Variants in SEH1L observed in about 807,000 individuals in gnomAD.
SEH1L encodes the protein nucleoporin SEH1.
SEH1L carries 18 observed loss-of-function variants against 49.5 expected under a neutral mutation model. That is an observed-to-expected ratio of 0.36 (90% CI 0.25 to 0.54). SEH1L has a LOEUF of 0.54. Among genes scored for constraint, SEH1L ranks in the 20% least tolerant of loss-of-function variants. The probability of loss-of-function intolerance (pLI) is 0.87; values close to 1 mark genes in which losing one functional copy is unlikely to be tolerated. For synonymous variants in SEH1L, 169 were observed against 178.1 expected (o/e 0.95, Z 0.41); for missense variants, 404 against 528.8 (o/e 0.76, Z 2.31).
chr18:12,980,086 C>T (rs1475661891), intron 6 of SEH1L, among the ~76,000 whole-genome samples: 1 of 4,826 alleles, frequency 2.1e-4, no homozygotes, highest in Non-Finnish European at 3.2e-4. Flanking sequence ...GGGGGGCTGA[C>T]CCCCCCCCAC....
At chr18:12,980,049 C>T (rs1443170056) in intron 6 of SEH1L, among the ~76,000 whole-genome samples, 24 of 134,262 alleles carry the variant, frequency 1.8e-4, no homozygotes, top group Non-Finnish European at 1.6e-5. Flanking sequence ...CCCCCACCTC[C>T]CTCCTGGACG....
chr18:12,955,758 T>G (rs546189013), intron 3 of SEH1L, 149 bp downstream of exon 3: 2 of 786,968 alleles, frequency 2.5e-6, no homozygotes, highest in South Asian at 4.1e-5. Flanking sequence ...GTTTTTTTCT[T>G]CCTTTTTTAT....
intron 5 of SEH1L, chr18:12,975,655 CA>C (rs1396724591): frequency 8.2e-6 from 8 of 973,958 alleles, no homozygotes; most frequent in Non-Finnish European, 9.8e-6. Flanking sequence ...TGGTGCTTGC[CA>C]AGTCTGATCT....
chr18:12,969,798 A>G (rs2031617787), intron 4 of SEH1L, among the ~76,000 whole-genome samples: 1 of 151,994 alleles, frequency 6.6e-6, no homozygotes, highest in Non-Finnish European at 1.5e-5. Flanking sequence ...AGACTGAGAC[A>G]GGAGAATCAC....
At chr18:12,961,584 GTA>G (rs1467571911) in intron 3 of SEH1L, among the ~76,000 whole-genome samples, 2 of 152,164 alleles carry the variant, frequency 1.3e-5, no homozygotes, top group Admixed American at 1.3e-4. Flanking sequence ...TGAAGTTTAT[GTA>G]ATATTATCCT....
rs767039913 is a variant in SEH1L, at chr18:12,987,032, C to T, written c.1241C>T (p.Pro414Leu). The T allele has an allele frequency of 5.6e-6, 9 of 1,610,194 alleles. No individual in the cohort carries two copies. Among genetic ancestry groups the T allele is most frequent in the Middle Eastern group, 1.7e-4 (1 of 6,048 alleles). The change falls in exon 9 of 9, where the codon CCC becomes CTC. Residue 414 changes from proline to leucine, a missense_variant. This residue lies in a region of SEH1L where 342 missense variants were observed against 430.8 expected (regional missense o/e 0.79). Transcript: ENST00000399892. ...RRRYLSRPLN[P>L]LPENEGI Reference sequence around the variant, plus strand: ...CGATATCTCTCTCGGCCTCTTAATCCCTTACCTGAGAATGAAGGGATTTAA... The same window carrying T: ...CGATATCTCTCTCGGCCTCTTAATCTCTTACCTGAGAATGAAGGGATTTAA...
intron 5 of SEH1L, 104 bp from the exon 6 acceptor site, chr18:12,978,648 A>G: frequency 1.1e-6 from 1 of 888,158 alleles, no homozygotes; most frequent in South Asian, 1.6e-5. Context: ...AGAGGTGAGC[A>G]CTACATGATT....
chr18:12,963,672 G>C (rs1292442217), intron 4 of SEH1L, among the ~76,000 whole-genome samples: 10 of 152,190 alleles, frequency 6.6e-5, no homozygotes, highest in Admixed American at 6.5e-4. Context: ...AGCACAAGTA[G>C]ACACAGAACA....
chr18:12,956,653 C>T (rs2030879928), intron 3 of SEH1L, among the ~76,000 whole-genome samples: 1 of 147,996 alleles, frequency 6.8e-6, no homozygotes, highest in Non-Finnish European at 1.5e-5. Flanking sequence ...AGAAGACATT[C>T]TATATTTAGG....
intron 2 of SEH1L, among the ~76,000 whole-genome samples, chr18:12,954,130 T>C (rs1255222579): frequency 1.3e-5 from 2 of 152,248 alleles, no homozygotes; most frequent in East Asian, 3.8e-4. Context: ...TGTTACCATG[T>C]AGAAGTTATT....
intron 3 of SEH1L, among the ~76,000 whole-genome samples, chr18:12,956,163 G>C (rs954502875): frequency 2.6e-5 from 4 of 151,414 alleles, no homozygotes; most frequent in Non-Finnish European, 4.4e-5. Flanking sequence ...TCCTACCTCA[G>C]CCTCCTGAGT....
At chr18:12,965,248 G>C (rs1401602140) in intron 4 of SEH1L, among the ~76,000 whole-genome samples, 1 of 152,064 alleles carries the variant, frequency 6.6e-6, no homozygotes, top group Non-Finnish European at 1.5e-5. Context: ...TCCTGACCTT[G>C]TGATCCGCCC....
rs1261984451 is a variant in SEH1L at position 12,982,546 on chromosome 18, A to C, written c.790A>C (p.Thr264Pro). 9.9e-6 allele frequency: 16 copies of C among 1,611,758 alleles called. No homozygotes were observed. Among genetic ancestry groups the C allele is most frequent in the Non-Finnish European group, 1.4e-5 (16 of 1,179,400 alleles). ...AGAACTGACTTCCTCTGGTGGGCCA[A>C]CAAAGTTTGAAATCCATATAGTGGC... ...RKELTSSGGP[T>P]KFEIHIVAQF... Residue 264 changes from threonine to proline, a missense_variant, in exon 7 of 9, where the codon ACA (threonine) becomes CCA (proline). Around this residue, in one of 3 missense-constraint regions of SEH1L, gnomAD observed 342 missense variants for 430.8 expected, o/e 0.79. Transcript: ENST00000399892.
At chr18:12,951,369 C>T (rs778923576) in intron 1 of SEH1L, among the ~76,000 whole-genome samples, 1 of 152,102 alleles carries the variant, frequency 6.6e-6, no homozygotes, top group Non-Finnish European at 1.5e-5. Flanking sequence ...GTGCTTGGCC[C>T]AGTGCTTGAC....
At position 12,979,119 on chromosome 18, in the gene SEH1L, G is replaced by A. The variant is rs1235168421; in HGVS notation, c.761+227G>A. Among the ~76,000 whole-genome samples, 3 of 150,926 alleles carry A rather than the reference G, an allele frequency of 2.0e-5. No individual in the cohort carries two copies. In the South Asian group the frequency reaches 6.3e-4, roughly 32 times the overall value. On this transcript the variant is annotated intron_variant, in intron 6 of 8. Transcript: ENST00000399892. ...CATTCTTGGGTGTTTCTCCCAGAGG[G>A]GGATTTGGCAGGGTCATAGGACAAT...
At chr18:12,955,680 C>T in intron 3 of SEH1L, 71 bp downstream of exon 3, 1 of 1,500,218 alleles carries the variant, frequency 6.7e-7, no homozygotes, top group Non-Finnish European at 9.2e-7. Flanking sequence ...CCGAAGGCTA[C>T]CTCAGATAAT....
At chr18:12,978,993 TTCTGCTCTGGAAGTTTTAC>T in intron 6 of SEH1L, 101 bp downstream of exon 6, 1 of 1,110,510 alleles carries the variant, frequency 9.0e-7, no homozygotes, top group Non-Finnish European at 1.3e-6. Flanking sequence ...TGGTTTATAT[TTCTGCTCTGGAAGTTTTAC>T]TTAAAAATGT....
intron 3 of SEH1L, among the ~76,000 whole-genome samples, chr18:12,957,907 C>T (rs2030970179): frequency 2.0e-5 from 3 of 151,992 alleles, no homozygotes; most frequent in Non-Finnish European, 4.4e-5. Flanking sequence ...TGGGGTTTCA[C>T]CATGTTGCCC....
At chr18:12,971,297 T>C (rs1568221861) in intron 5 of SEH1L, 46 bp downstream of exon 5, 7 of 1,200,602 alleles carry the variant, frequency 5.8e-6, no homozygotes, top group Non-Finnish European at 8.6e-6. Flanking sequence ...TTGCATTTAA[T>C]TTTTTAAAAT....
Sources: gnomAD v4.1 joint callset for allele counts (sites outside exome capture counted in the v4.1 genomes callset) on GRCh38, gnomAD v4.1.1 for gene constraint, gnomAD v4.1.1 regional missense constraint, MANE v1.5 for transcripts, NCBI Gene and HGNC (gene_info 2026-07-23, HGNC 2026-07-21) for gene names.